PRKG1: variants seen among roughly 807,000 people sequenced by gnomAD.
The protein encoded by PRKG1 is protein kinase cGMP-dependent 1.
PRKG1 carries 35 observed loss-of-function variants against 88.1 expected under a neutral mutation model. The ratio of observed to expected loss-of-function variants is 0.40; its 90% confidence interval spans 0.30 to 0.53. The LOEUF (loss-of-function observed/expected upper bound fraction) is 0.53. PRKG1 is among the 20% of genes least tolerant of loss of function. PRKG1 has a pLI of 0.59. For missense variants in PRKG1, 540 were observed against 839.8 expected, an observed-to-expected ratio of 0.64 and a Z score of 4.41; for synonymous variants, 303 against 292.5, an observed-to-expected ratio of 1.04 and a Z score of -0.37.
chr10:51,233,397 G>T (rs527802916), intron 2 of PRKG1, among the ~76,000 whole-genome samples: 2 of 152,278 alleles, frequency 1.3e-5, no homozygotes, highest in Admixed American at 6.5e-5. Context: ...ATATGAGATT[G>T]TTCTAAGGAA....
intron 2 of PRKG1, among the ~76,000 whole-genome samples, chr10:51,221,425 TAA>T (rs894134947): frequency 2.6e-5 from 4 of 152,172 alleles, no homozygotes; most frequent in South Asian, 4.1e-4. Context: ...ATTAAAATGA[TAA>T]GTTTCTAAAT....
chr10:52,004,198 TG>T (rs1329266776), intron 5 of PRKG1, among the ~76,000 whole-genome samples: 1 of 152,228 alleles, frequency 6.6e-6, no homozygotes, highest in Non-Finnish European at 1.5e-5. Flanking sequence ...ACTTTTTGGC[TG>T]TAAACTCCGG....
intron 5 of PRKG1, among the ~76,000 whole-genome samples, chr10:51,978,338 A>G (rs1043515122): frequency 4.0e-5 from 6 of 151,280 alleles, no homozygotes; most frequent in Non-Finnish European, 7.4e-5. Flanking sequence ...TTTGTAGACA[A>G]CTGGGTTACT....
In PRKG1 at chr10:51,605,528, A is replaced by G. The variant is rs568463660; in HGVS notation, c.592+137692A>G. ...AGAGTATATACACTGAATAGGAGGC[A>G]GAGAAACAAACATAATACTTTACTC... is the stretch of plus-strand genomic sequence containing the variant. On this transcript the variant is annotated intron_variant, in intron 3 of 17. Coordinates refer to ENST00000373980, the MANE Select transcript of PRKG1 (RefSeq NM_006258.4). Among the ~76,000 whole-genome samples, 4 of 152,346 alleles carry G rather than the reference A, an allele frequency of 2.6e-5. No homozygotes were observed. The South Asian group carries it at 8.3e-4, about 32-fold the overall frequency.
At chr10:51,215,283 A>G (rs1443531900) in intron 2 of PRKG1, among the ~76,000 whole-genome samples, 3 of 152,250 alleles carry the variant, frequency 2.0e-5, no homozygotes, top group Non-Finnish European at 4.4e-5. Context: ...TTGAAAAATA[A>G]GGAGAGCTTT....
At chr10:51,766,618 C>T (rs1838170685) in intron 3 of PRKG1, among the ~76,000 whole-genome samples, 1 of 152,166 alleles carries the variant, frequency 6.6e-6, no homozygotes, top group South Asian at 2.1e-4. Flanking sequence ...TCTTCTCCTA[C>T]TCCTATGGGG....
At chr10:51,761,418 A>G (rs1838019225) in intron 3 of PRKG1, among the ~76,000 whole-genome samples, 1 of 152,228 alleles carries the variant, frequency 6.6e-6, no homozygotes, top group African/African-American at 2.4e-5. Context: ...ATTTGAAAGT[A>G]TCTAACTGTG....
chr10:51,991,224 G>C (rs189683978), intron 5 of PRKG1, among the ~76,000 whole-genome samples: 268 of 152,188 alleles, frequency 1.8e-3, no homozygotes, highest in Admixed American at 4.4e-3. Context: ...AGCTCTAACA[G>C]TGTTTTTAGT....
chr10:51,455,090 C>T (rs111938629), intron 2 of PRKG1, among the ~76,000 whole-genome samples: 2,385 of 152,318 alleles, frequency 0.016, 31 homozygotes, highest in Middle Eastern at 0.024. Context: ...CAATCCTTGA[C>T]TTCTGTGCAT....
intron 3 of PRKG1, chr10:51,698,442 G>C: frequency 6.2e-7 from 1 of 1,614,114 alleles, no homozygotes; most frequent in South Asian, 1.1e-5. Flanking sequence ...CGAGTGTCAT[G>C]ACCAGAGGCA....
chr10:51,815,735 A>G (rs1450878318), intron 4 of PRKG1, among the ~76,000 whole-genome samples: 1 of 152,166 alleles, frequency 6.6e-6, no homozygotes, highest in East Asian at 1.9e-4. Context: ...TTTATTTATC[A>G]ATATGATTTT....
intron 3 of PRKG1, among the ~76,000 whole-genome samples, chr10:51,598,512 C>A (rs1316716095): frequency 6.6e-6 from 1 of 152,170 alleles, no homozygotes; most frequent in African/African-American, 2.4e-5. Context: ...TCTGCCTTGG[C>A]CTCCTAGAGT....
chr10:51,036,156 C>G (rs1437390750), intron 1 of PRKG1, among the ~76,000 whole-genome samples: 1 of 152,164 alleles, frequency 6.6e-6, no homozygotes, highest in Non-Finnish European at 1.5e-5. Flanking sequence ...GCTTAACTTA[C>G]TACAGAGCCT....
At chr10:51,100,130 G>T (rs1241992309) in intron 1 of PRKG1, among the ~76,000 whole-genome samples, 1 of 152,176 alleles carries the variant, frequency 6.6e-6, no homozygotes, top group Non-Finnish European at 1.5e-5. Context: ...CTGGCATTAA[G>T]TAGTCCTCCT....
intron 4 of PRKG1, among the ~76,000 whole-genome samples, chr10:51,834,746 G>GAAAAGAAAGGAAAAGAAAAGAA (rs1840089802): frequency 1.3e-4 from 20 of 151,424 alleles, no homozygotes; most frequent in Admixed American, 8.6e-4. Context: ...AAAGAAAAAA[G>GAAAAGAAAGGAAAAGAAAAGAA]AAAAGAAAGG....
intron 3 of PRKG1, among the ~76,000 whole-genome samples, chr10:51,720,305 T>C (rs1841981923): frequency 8.3e-6 from 1 of 119,796 alleles, no homozygotes. Flanking sequence ...ATGCAGACAT[T>C]CATACCTAAA....
Position 51,572,712 on chromosome 10 carries a change from G to T in PRKG1, c.592+104876G>T, listed in dbSNP as rs74674526. On this transcript the variant is annotated intron_variant, in intron 3 of 17. Transcript: ENST00000373980. ...TGTTTGTTTGTTTTTTGAGATGGGGGTCTGTGTATTTTAAGAAGCCCTCCA... is the reference window on the plus strand; with the variant it reads ...TGTTTGTTTGTTTTTTGAGATGGGGTTCTGTGTATTTTAAGAAGCCCTCCA... Among the ~76,000 whole-genome samples the T allele has an allele frequency of 4.6e-3, 699 of 151,842 alleles. 7 individuals are homozygous for T. The highest frequency in any genetic ancestry group is 0.016 in the African/African-American group (658 of 41,492).
At chr10:51,933,620 G>GTT (rs138778878) in intron 5 of PRKG1, among the ~76,000 whole-genome samples, 583 of 145,810 alleles carry the variant, frequency 4.0e-3, no homozygotes, top group African/African-American at 0.013. Context: ...TTTTAGCCAA[G>GTT]TTTTTTTTTT....
At chr10:51,013,256 G>A (rs879725839) in intron 1 of PRKG1, among the ~76,000 whole-genome samples, 1 of 152,216 alleles carries the variant, frequency 6.6e-6, no homozygotes, top group Non-Finnish European at 1.5e-5. Context: ...TAGGGAAAGT[G>A]CTTAGAACAA....
Sources: allele counts gnomAD v4.1 joint callset (sites outside exome capture counted in the v4.1 genomes callset), GRCh38; gene constraint gnomAD v4.1.1; transcripts MANE v1.5; gene names NCBI Gene and HGNC (gene_info 2026-07-23, HGNC 2026-07-21).